CHD2: variants seen among roughly 807,000 people sequenced by gnomAD.
CHD2 encodes the protein chromodomain helicase DNA binding protein 2, also known as ATP-dependent chromatin remodeler CHD2.
Under a neutral mutation model 243.9 loss-of-function variants are expected in CHD2, and 28 were observed. The ratio of observed to expected loss-of-function variants is 0.11; its 90% CI spans 0.09 to 0.16. The LOEUF (loss-of-function observed/expected upper bound fraction) is 0.16. CHD2 is among the 10% of genes least tolerant of loss of function. The pLI, the probability that CHD2 is intolerant of heterozygous loss-of-function variation, is 1.00. For synonymous variants in CHD2, 775 were observed against 779.0 expected (o/e 0.99, Z 0.09); for missense variants, 1,386 against 2,209.8 (o/e 0.63, Z 7.47).
chr15:93,001,216 C>A (rs55738314), intron 32 of CHD2, among the ~76,000 whole-genome samples: 86 of 152,252 alleles, frequency 5.6e-4, no homozygotes, highest in African/African-American at 1.9e-3. Flanking sequence ...CTCATTCTTG[C>A]AAATGACGGG....
chr15:92,920,848 A>T (rs2141737153), intron 2 of CHD2, among the ~76,000 whole-genome samples: 1 of 152,372 alleles, frequency 6.6e-6, no homozygotes, highest in East Asian at 1.9e-4. Context: ...CTAATATACC[A>T]GGCACAAAGA....
At position 92,901,313 on chromosome 15, in the gene CHD2, ACTTT is replaced by A. The variant is rs959228756; in HGVS notation, c.62+18_62+21del. 10 of 1,574,970 alleles carry A rather than the reference ACTTT, an allele frequency of 6.3e-6. No individual in the cohort carries two copies. Among genetic ancestry groups the A allele is most frequent in the Non-Finnish European group, 8.7e-6 (10 of 1,147,840 alleles). ...CAATGCATCGAGGTATGAGCTATCA[ACTTT>A]CTTCCTTTTTGTCTTTTTTTTTGGG... On this transcript the variant is annotated intron_variant, in intron 2 of 38. Coordinates refer to ENST00000394196, the MANE Select transcript of CHD2 (RefSeq NM_001271.4).
At position 92,944,453 on chromosome 15, in the gene CHD2, A is replaced by T. The variant is rs143043614; in HGVS notation, c.1091A>T (p.Asn364Ile). The T allele has an allele frequency of 1.9e-6, 3 of 1,610,968 alleles. No individual in the cohort carries two copies. Among genetic ancestry groups the T allele is most frequent in the Non-Finnish European group, 2.5e-6 (3 of 1,177,722 alleles). ...KVSPEDVEYF[N>I]CQQELASELN... is the part of the protein sequence containing the mutation. ...TCTCCTGAAGATGTAGAATATTTCA[A>T]TTGCCAACAGGAGCTGGCTTCAGAG... Residue 364 changes from asparagine to isoleucine, a missense_variant, in exon 10 of 39, where the codon AAT becomes ATT. Asn to Ile is a moderately radical substitution (Grantham distance 149, BLOSUM62 -3). Transcript: ENST00000394196.
At chr15:92,988,484 C>T (rs7174740) in intron 26 of CHD2, among the ~76,000 whole-genome samples, 104,131 of 152,036 alleles carry the variant, frequency 0.68, 37,043 homozygotes, top group East Asian at 0.98. Flanking sequence ...CATGGGTGCT[C>T]TTATTTCTTC....
At chr15:92,917,501 C>T (rs947462144) in intron 2 of CHD2, among the ~76,000 whole-genome samples, 4 of 152,144 alleles carry the variant, frequency 2.6e-5, no homozygotes, top group African/African-American at 7.2e-5. Context: ...GCGGAGGTTA[C>T]GGTGAGCCGA....
Position 93,009,078 on chromosome 15 carries a change from A to G in CHD2, c.4414-67A>G, listed in dbSNP as rs765141488. ...TGGGCTGTGTTTTCATCGAGAGCAC[A>G]GTAAGCAAAGGACAAGACTTACTTT... On this transcript the variant is annotated intron_variant, in intron 34 of 38. Transcript: ENST00000394196. 102 of 1,541,192 alleles carry G rather than the reference A, an allele frequency of 6.6e-5. No homozygotes were observed. The Middle Eastern group carries it at 1.0e-3, about 15-fold the overall frequency.
intron 9 of CHD2, 39 bp downstream of exon 9, chr15:92,943,107 G>A (rs557209187): frequency 6.6e-7 from 1 of 1,508,908 alleles, no homozygotes; most frequent in Admixed American, 1.7e-5. Flanking sequence ...TGTATTTGCA[G>A]CCTGAAAGAA....
chr15:93,002,826 C>G (rs1292623463), intron 33 of CHD2, among the ~76,000 whole-genome samples: 1 of 152,290 alleles, frequency 6.6e-6, no homozygotes, highest in East Asian at 1.9e-4. Flanking sequence ...TGTATACTTG[C>G]TGACCTCTGA....
chr15:92,902,365 G>A, intron 2 of CHD2: 1 of 389,202 alleles, frequency 2.6e-6, no homozygotes, highest in Non-Finnish European at 4.5e-6. Flanking sequence ...TGTTCTTTAT[G>A]CATTTTCATA....
At chr15:92,933,609 T>G (rs1291206080) in intron 5 of CHD2, among the ~76,000 whole-genome samples, 2 of 152,230 alleles carry the variant, frequency 1.3e-5, no homozygotes, top group African/African-American at 4.8e-5. Flanking sequence ...GGTTTTGTTT[T>G]GTTTTTGTTT....
intron 38 of CHD2, chr15:93,021,054 A>G (rs2054529644): frequency 6.6e-6 from 1 of 151,978 alleles, no homozygotes; most frequent in African/African-American, 2.4e-5. Context: ...GTAGGTCTGT[A>G]TTTCTATTTG....
At chr15:93,000,293 A>G (rs2054238016) in intron 31 of CHD2, among the ~76,000 whole-genome samples, 1 of 151,988 alleles carries the variant, frequency 6.6e-6, no homozygotes, top group Non-Finnish European at 1.5e-5. Flanking sequence ...AGGAATATGG[A>G]CATTTTAATG....
intron 2 of CHD2, among the ~76,000 whole-genome samples, chr15:92,919,107 G>A (rs1047298551): frequency 7.9e-5 from 12 of 151,604 alleles, no homozygotes; most frequent in African/African-American, 2.9e-4. Context: ...CCACCCGCCT[G>A]GGCCTCCCAG....
chr15:92,966,962 T>A (rs998388170), intron 16 of CHD2, among the ~76,000 whole-genome samples: 2 of 151,948 alleles, frequency 1.3e-5, no homozygotes, highest in Admixed American at 1.3e-4. Context: ...GACGGTGACT[T>A]TCTTGAGGCT....
intron 5 of CHD2, among the ~76,000 whole-genome samples, chr15:92,935,766 A>G (rs1026083864): frequency 2.0e-5 from 3 of 152,158 alleles, no homozygotes; most frequent in Admixed American, 6.5e-5. Context: ...CATTTATTGT[A>G]CTATGCTCCG....
chr15:92,935,539 G>C (rs1361624342), intron 5 of CHD2, among the ~76,000 whole-genome samples: 1 of 152,070 alleles, frequency 6.6e-6, no homozygotes. Context: ...AGAATTTATT[G>C]GTGAATCTTT....
intron 35 of CHD2, among the ~76,000 whole-genome samples, chr15:93,011,442 CAG>C (rs2054393014): frequency 6.6e-6 from 1 of 152,262 alleles, no homozygotes; most frequent in Admixed American, 6.5e-5. Context: ...GAAAGTGGGA[CAG>C]GGAGGGGACT....
chr15:92,998,304 T>C lies in CHD2; in HGVS notation c.3886-195T>C, dbSNP rs1245983824. The C allele has an allele frequency of 2.3e-6, 3 of 1,316,302 alleles. No homozygotes were observed. Among genetic ancestry groups the C allele is most frequent in the African/African-American group, 1.5e-5 (1 of 67,476 alleles). The allele number at this position is 1,316,302 out of a possible 1,614,324, so 81.5% of individuals were successfully genotyped here. On this transcript the variant is annotated intron_variant, in intron 30 of 38. Coordinates refer to ENST00000394196, the MANE Select transcript of CHD2 (RefSeq NM_001271.4). The surrounding 1 kb of genome is among the most constrained non-coding windows in gnomAD (Gnocchi z 5.1). The stretch of plus-strand genomic sequence containing the variant: ...AGCTGGATTTCTCCATCCCATTTTG[T>C]AAAATGAGAACGGCTCGTGAGGGAT...
intron 2 of CHD2, among the ~76,000 whole-genome samples, chr15:92,923,807 G>A (rs893461814): frequency 3.3e-5 from 5 of 151,834 alleles, no homozygotes; most frequent in African/African-American, 1.2e-4. Context: ...CTCGTGATCC[G>A]CCCGCCTCGG....
Sources: allele counts gnomAD v4.1 joint callset (sites outside exome capture counted in the v4.1 genomes callset), GRCh38; gene constraint gnomAD v4.1.1; non-coding constraint Gnocchi (gnomAD v3.1); transcripts MANE v1.5; gene names NCBI Gene and HGNC (gene_info 2026-07-23, HGNC 2026-07-21).